The following OTUD7A variants were observed in gnomAD, a reference collection of about 807,000 sequenced individuals.
OTUD7A encodes the protein OTU deubiquitinase 7A, also known as OTU domain-containing protein 7A.
OTUD7A carries 12 observed loss-of-function variants against 65.7 expected under a neutral mutation model. The observed-to-expected ratio is 0.18, with a 90% CI of 0.12 to 0.30. OTUD7A has a LOEUF of 0.30. Ranked by LOEUF, OTUD7A falls within the 10% of genes least tolerant of loss-of-function variation. The pLI, the probability that OTUD7A is intolerant of heterozygous loss-of-function variation, is 1.00. For missense variants in OTUD7A, 1,148 were observed against 1,304.8 expected (o/e 0.88, Z 1.85); for synonymous variants, 641 against 586.3 (o/e 1.09, Z -1.35).
At chr15:31,844,416 G>T (rs1190951383) in intron 1 of OTUD7A, among the ~76,000 whole-genome samples, 2 of 152,260 alleles carry the variant, frequency 1.3e-5, no homozygotes, top group Non-Finnish European at 2.9e-5. Context: ...AGAATCACTT[G>T]AACCCAGGAG....
chr15:31,547,926 T>C (rs1888184369), intron 5 of OTUD7A, among the ~76,000 whole-genome samples: 1 of 152,240 alleles, frequency 6.6e-6, no homozygotes. Context: ...AGAAGGTTAA[T>C]GTGTAACAGT....
intron 5 of OTUD7A, among the ~76,000 whole-genome samples, chr15:31,537,030 A>G (rs1957818901): frequency 6.6e-6 from 1 of 152,230 alleles, no homozygotes; most frequent in South Asian, 2.1e-4. Context: ...GATATACCCC[A>G]TAAATTTGTA....
At chr15:31,835,097 T>C (rs1240134680) in intron 1 of OTUD7A, among the ~76,000 whole-genome samples, 1 of 152,232 alleles carries the variant, frequency 6.6e-6, no homozygotes, top group Non-Finnish European at 1.5e-5. Flanking sequence ...CAGGAAAAGA[T>C]GACTGTCTCA....
In OTUD7A at chr15:31,796,180, T is replaced by G. The variant is rs1334469090; in HGVS notation, c.-100+74327A>C. The stretch of plus-strand genomic sequence containing the variant: ...GTGTGTGTGTGTATCTATGTATGTA[T>G]CTATGCATTATCTATCTATCTATCT... On this transcript the variant is annotated intron_variant, in intron 1 of 12. Coordinates refer to ENST00000307050, the MANE Select transcript of OTUD7A (RefSeq NM_001382637.1). 1.5e-5 allele frequency among the ~76,000 whole-genome samples: 2 copies of G among 136,780 alleles called. 1 individual carries two copies. Among genetic ancestry groups the G allele is most frequent in the Admixed American group, 1.6e-4 (2 of 12,604 alleles). 89.7% of individuals were successfully genotyped at this position (136,780 alleles called of 152,430 possible). A position where few individuals can be genotyped will look rare whatever the true frequency, so the allele number is the denominator to read the frequency against.
chr15:31,500,484 G>A (rs2041452119), intron 10 of OTUD7A, among the ~76,000 whole-genome samples: 1 of 152,214 alleles, frequency 6.6e-6, no homozygotes, highest in Non-Finnish European at 1.5e-5. Flanking sequence ...AATGCCCTGT[G>A]CATTTCTCAC....
At chr15:31,850,749 C>T (rs1207286810) in intron 1 of OTUD7A, among the ~76,000 whole-genome samples, 1 of 152,058 alleles carries the variant, frequency 6.6e-6, no homozygotes, top group Non-Finnish European at 1.5e-5. Flanking sequence ...CAGAGAGCCA[C>T]TTAAGGCTCC....
chr15:31,605,828 C>T (rs994845486), intron 3 of OTUD7A, among the ~76,000 whole-genome samples: 1 of 152,138 alleles, frequency 6.6e-6, no homozygotes, highest in African/African-American at 2.4e-5. Flanking sequence ...CTGCTCTTTC[C>T]ACGCCCTCTC....
At position 31,570,051 on chromosome 15, in the gene OTUD7A, G is replaced by A. The variant is rs762363596; in HGVS notation, c.298C>T (p.Pro100Ser). The change falls in exon 4 of 13, where the codon CCC (proline) becomes TCC (serine). Residue 100 changes from proline to serine, a missense_variant. Pro to Ser is a moderately conservative substitution (Grantham distance 74). Around this residue, in one of 6 missense-constraint regions of OTUD7A, gnomAD observed 51 missense variants for 46.9 expected, o/e 1.09. Coordinates refer to ENST00000307050, the MANE Select transcript of OTUD7A (RefSeq NM_001382637.1). ...ATGTCGTCCTGCCTCTGCAGGCAGG[G>A]TCGCTCCACCTTGTGCCCGGGCTGT... Reference protein sequence around the residue: ...EPQPGHKVERPCLQRQDDIAQ... With the variant: ...EPQPGHKVERSCLQRQDDIAQ... 2 of 1,614,164 alleles carry A rather than the reference G, an allele frequency of 1.2e-6. No individual in the cohort carries two copies. The highest frequency in any genetic ancestry group is 3.3e-5 in the Admixed American group (2 of 60,028).
At chr15:31,690,801 A>G (rs1371270676) in intron 1 of OTUD7A, among the ~76,000 whole-genome samples, 1 of 152,248 alleles carries the variant, frequency 6.6e-6, no homozygotes, top group Non-Finnish European at 1.5e-5. Context: ...CAAAGACCTA[A>G]ATGTAAGAGC....
intron 3 of OTUD7A, among the ~76,000 whole-genome samples, chr15:31,597,474 C>CT (rs565236740): frequency 0.048 from 6,975 of 145,040 alleles, 206 homozygotes; most frequent in Non-Finnish European, 0.061. Context: ...CAAGGCCCTC[C>CT]TTTTTTTTTT....
intron 3 of OTUD7A, among the ~76,000 whole-genome samples, chr15:31,583,959 A>G (rs1889450655): frequency 6.6e-6 from 1 of 152,220 alleles, no homozygotes; most frequent in Non-Finnish European, 1.5e-5. Flanking sequence ...TGATGGATAC[A>G]GAATTTCATA....
At chr15:31,660,143 C>T (rs1471765544) in intron 1 of OTUD7A, among the ~76,000 whole-genome samples, 2 of 152,408 alleles carry the variant, frequency 1.3e-5, no homozygotes, top group South Asian at 2.1e-4. Flanking sequence ...TACATTTATA[C>T]ATCCCTGTTA....
chr15:31,598,343 C>A (rs1220404558), intron 3 of OTUD7A, among the ~76,000 whole-genome samples: 1 of 152,132 alleles, frequency 6.6e-6, no homozygotes, highest in Non-Finnish European at 1.5e-5. Flanking sequence ...GGGTGCAGCC[C>A]ACAGAGGGCG....
At chr15:31,735,484 A>G (rs1407761542) in intron 1 of OTUD7A, among the ~76,000 whole-genome samples, 1 of 151,410 alleles carries the variant, frequency 6.6e-6, no homozygotes, top group Non-Finnish European at 1.5e-5. Flanking sequence ...GCCAAGATTG[A>G]GATTGCGCCA....
At chr15:31,821,071 G>A (rs1367637338) in intron 1 of OTUD7A, among the ~76,000 whole-genome samples, 13 of 151,460 alleles carry the variant, frequency 8.6e-5, no homozygotes, top group Admixed American at 5.3e-4. Context: ...TTTGTGACTG[G>A]CTCCTTTTGC....
chr15:31,631,592 T>G (rs2141250088), intron 3 of OTUD7A, among the ~76,000 whole-genome samples: 1 of 152,266 alleles, frequency 6.6e-6, no homozygotes, highest in Admixed American at 6.5e-5. Flanking sequence ...TCGAGGAGTA[T>G]CTTTGTGGCG....
intron 1 of OTUD7A, among the ~76,000 whole-genome samples, chr15:31,836,640 G>A (rs550424922): frequency 1.3e-5 from 2 of 152,180 alleles, no homozygotes; most frequent in South Asian, 4.2e-4. Flanking sequence ...AAAGAATTAC[G>A]TACCATGACC....
chr15:31,571,979 A>G (rs186325423), intron 3 of OTUD7A, among the ~76,000 whole-genome samples: 1 of 152,284 alleles, frequency 6.6e-6, no homozygotes, highest in East Asian at 1.9e-4. Flanking sequence ...CTTAAAACAC[A>G]TGGATTCCCC....
intron 1 of OTUD7A, among the ~76,000 whole-genome samples, chr15:31,754,140 T>A (rs1894742550): frequency 6.6e-6 from 1 of 152,230 alleles, no homozygotes; most frequent in East Asian, 1.9e-4. Flanking sequence ...TTTTTTCATA[T>A]GATTGTTGGC....
Sources: allele counts gnomAD v4.1 joint callset (sites outside exome capture counted in the v4.1 genomes callset), GRCh38; gene constraint gnomAD v4.1.1; regional missense constraint gnomAD v4.1.1; transcripts MANE v1.5; gene names NCBI Gene and HGNC (gene_info 2026-07-23, HGNC 2026-07-21).